HECW1: variants seen among roughly 807,000 people sequenced by gnomAD.
The protein encoded by HECW1 is HECT, C2 and WW domain containing E3 ubiquitin protein ligase 1.
A neutral mutation model predicts 182.3 loss-of-function variants in HECW1; 61 were observed. That is an observed-to-expected ratio of 0.33 (90% CI 0.27 to 0.41). HECW1 has a LOEUF of 0.41. HECW1 is among the 10% of genes least tolerant of loss of function. The pLI, the probability that HECW1 is intolerant of heterozygous loss-of-function variation, is 1.00. For synonymous variants in HECW1, 859 were observed against 832.6 expected (o/e 1.03, Z -0.55); for missense variants, 1,739 against 2,108.9 (o/e 0.82, Z 3.44).
At chr7:43,495,682 T>C (rs1287843676) in intron 19 of HECW1, among the ~76,000 whole-genome samples, 1 of 152,216 alleles carries the variant, frequency 6.6e-6, no homozygotes, top group Non-Finnish European at 1.5e-5. Flanking sequence ...CTTTCATTTA[T>C]GTTCAACTCT....
intron 24 of HECW1, among the ~76,000 whole-genome samples, chr7:43,515,871 G>A (rs2080124130): frequency 6.6e-6 from 1 of 152,100 alleles, no homozygotes; most frequent in Admixed American, 6.6e-5. Context: ...ATTTTGAATG[G>A]AGGCATAAAA....
intron 2 of HECW1, among the ~76,000 whole-genome samples, chr7:43,232,572 CTGAAG>C (rs1288886402): frequency 1.3e-5 from 2 of 152,174 alleles, no homozygotes; most frequent in Non-Finnish European, 2.9e-5. Context: ...AGATGTGCTT[CTGAAG>C]TGTAGGCTGA....
At chr7:43,410,247 G>A (rs938638589) in intron 8 of HECW1, among the ~76,000 whole-genome samples, 4 of 152,190 alleles carry the variant, frequency 2.6e-5, no homozygotes, top group Non-Finnish European at 2.9e-5. Context: ...TGGGAAGTCC[G>A]AGCCCAGGAT....
At chr7:43,192,954 C>G (rs1583900354) in intron 2 of HECW1, among the ~76,000 whole-genome samples, 1 of 152,118 alleles carries the variant, frequency 6.6e-6, no homozygotes, top group South Asian at 2.1e-4. Flanking sequence ...CAGAGCAGCC[C>G]CAAGGGCTGC....
chr7:43,308,144 A>AT (rs1293319407), intron 3 of HECW1, among the ~76,000 whole-genome samples: 10 of 103,030 alleles, frequency 9.7e-5, no homozygotes, highest in East Asian at 4.5e-4. Context: ...AATATATTAT[A>AT]TTATATATTA....
At position 43,112,944 on chromosome 7, in the gene HECW1, G is replaced by T. The variant is rs1784731637; in HGVS notation, c.-267+7G>T. On this transcript the variant is annotated splice_region_variant and intron_variant, in intron 1 of 29. Coordinates refer to ENST00000395891, the MANE Select transcript of HECW1 (RefSeq NM_015052.5). ...CCAGGCCAGGGCTGCCAAGGTAAGC[G>T]GGCGTAGCGCGGGGACACTGTCTGC... The T allele has an allele frequency of 4.7e-6, 1 of 212,560 alleles. No individual in the cohort carries two copies. The highest frequency in any genetic ancestry group is 9.5e-6 in the Non-Finnish European group (1 of 104,764). The allele number at this position is 212,560 out of a possible 1,614,324, so 13.2% of individuals were successfully genotyped here.
chr7:43,328,257 G>A (rs1416900641), intron 5 of HECW1, among the ~76,000 whole-genome samples: 2 of 152,100 alleles, frequency 1.3e-5, no homozygotes, highest in African/African-American at 2.4e-5. Context: ...AGCTGGGGAG[G>A]TCTGCAGTCT....
At chr7:43,139,436 A>T (rs1422063870) in intron 2 of HECW1, among the ~76,000 whole-genome samples, 1 of 152,204 alleles carries the variant, frequency 6.6e-6, no homozygotes, top group East Asian at 1.9e-4. Flanking sequence ...ACATGCAACT[A>T]TTCCTTTGTG....
chr7:43,388,913 G>T (rs925275081), intron 6 of HECW1, among the ~76,000 whole-genome samples: 5 of 152,210 alleles, frequency 3.3e-5, no homozygotes, highest in Admixed American at 6.5e-5. Flanking sequence ...CCTACAGAGG[G>T]TGGGATGATG....
At position 43,516,988 on chromosome 7, in the gene HECW1, C is replaced by T. The variant is rs142652271; in HGVS notation, c.4019+7867C>T. Among the ~76,000 whole-genome samples, 229 of 152,268 alleles carry T rather than the reference C, an allele frequency of 1.5e-3. 1 individual carries two copies. Among genetic ancestry groups the T allele is most frequent in the Middle Eastern group, 3.4e-3 (1 of 294 alleles). ...ATGGTACACCTGTATAGGGCAGCTCCGTTATAATCTTTTGAGACCGCCGTT... is the reference window on the plus strand; with the variant it reads ...ATGGTACACCTGTATAGGGCAGCTCTGTTATAATCTTTTGAGACCGCCGTT... On this transcript the variant is annotated intron_variant, in intron 24 of 29. Coordinates refer to ENST00000395891, the MANE Select transcript of HECW1 (RefSeq NM_015052.5).
intron 16 of HECW1, among the ~76,000 whole-genome samples, chr7:43,472,914 C>T (rs1199824737): frequency 2.0e-5 from 3 of 152,150 alleles, no homozygotes; most frequent in Non-Finnish European, 2.9e-5. Context: ...TACTCTTTTA[C>T]CCATCCTGAT....
At chr7:43,307,876 CTATATATATATATATATATACACA>C (rs1192521761) in intron 3 of HECW1, among the ~76,000 whole-genome samples, 1 of 127,604 alleles carries the variant, frequency 7.8e-6, no homozygotes, top group Non-Finnish European at 1.6e-5. Flanking sequence ...AATCATTTCA[CTATATATATATATATATATACACA>C]TATATATATA....
intron 2 of HECW1, among the ~76,000 whole-genome samples, chr7:43,227,287 A>T (rs1422405891): frequency 6.6e-6 from 1 of 151,056 alleles, no homozygotes; most frequent in African/African-American, 2.4e-5. Flanking sequence ...ACAAATGGTC[A>T]TTTTTTTTTA....
intron 3 of HECW1, among the ~76,000 whole-genome samples, chr7:43,303,779 A>G (rs1025095586): frequency 6.6e-6 from 1 of 152,034 alleles, no homozygotes; most frequent in Non-Finnish European, 1.5e-5. Context: ...TTAGACAGAG[A>G]TGGTGGTTTA....
intron 6 of HECW1, among the ~76,000 whole-genome samples, chr7:43,388,900 T>C (rs10257003): frequency 0.34 from 51,170 of 152,080 alleles, 8,814 homozygotes; most frequent in Non-Finnish European, 0.38. Context: ...TAAGAATGAT[T>C]GGCCTACAGA....
rs2076574634 is a variant in HECW1, at chr7:43,432,216, T to C, written c.802-5787T>C. On this transcript the variant is annotated intron_variant, in intron 8 of 29. Coordinates refer to ENST00000395891, the MANE Select transcript of HECW1 (RefSeq NM_015052.5). This position sits in a 1 kb window ranked among gnomAD's most constrained non-coding sequence, Gnocchi z 4.1. The stretch of plus-strand genomic sequence containing the variant: ...GTGCAGTGGCGGGATCTCGGCTCAC[T>C]GCAAGCTCCGCCTCCCGGGTTCACG... Among the ~76,000 whole-genome samples the C allele has an allele frequency of 6.7e-6, 1 of 149,874 alleles. No homozygotes were observed. Among genetic ancestry groups the C allele is most frequent in the Non-Finnish European group, 1.5e-5 (1 of 67,426 alleles).
chr7:43,474,592 G>A (rs2078151209), intron 16 of HECW1, among the ~76,000 whole-genome samples: 1 of 151,882 alleles, frequency 6.6e-6, no homozygotes, highest in South Asian at 2.1e-4. Flanking sequence ...GAAAAATCAA[G>A]GAGAAATGAA....
chr7:43,436,788 G>A (rs1017015126), intron 8 of HECW1, among the ~76,000 whole-genome samples: 9 of 152,152 alleles, frequency 5.9e-5, no homozygotes, highest in Middle Eastern at 3.2e-3. Context: ...TGATGGTCAC[G>A]GTCTTCCTTT....
intron 5 of HECW1, among the ~76,000 whole-genome samples, chr7:43,329,998 T>C (rs1401572572): frequency 6.6e-6 from 1 of 151,746 alleles, no homozygotes; most frequent in African/African-American, 2.4e-5. Flanking sequence ...AAGAGGAGAG[T>C]TGAGGACGGA....
Sources: allele counts gnomAD v4.1 joint callset (sites outside exome capture counted in the v4.1 genomes callset), GRCh38; gene constraint gnomAD v4.1.1; non-coding constraint Gnocchi (gnomAD v3.1); transcripts MANE v1.5; gene names NCBI Gene and HGNC (gene_info 2026-07-23, HGNC 2026-07-21).